The following CNDP2 variants were observed in gnomAD, a reference collection of about 807,000 sequenced individuals.
The protein encoded by CNDP2 is cytosolic non-specific dipeptidase.
CNDP2 carries 38 observed loss-of-function variants against 55.0 expected under a neutral mutation model. The observed-to-expected ratio is 0.69, with a 90% CI of 0.53 to 0.90. The LOEUF is 0.90. CNDP2 is among the 40% of genes least tolerant of loss of function. The pLI is 0.00. For missense variants in CNDP2, 607 were observed against 621.7 expected, an observed-to-expected ratio of 0.98 and a Z score of 0.25; for synonymous variants, 241 against 260.2, an observed-to-expected ratio of 0.93 and a Z score of 0.71.
rs758046704 is a variant in CNDP2 at position 74,513,598 on chromosome 18, G to A, written c.782G>A (p.Gly261Asp). Reference protein sequence around the residue: ...VDKRGNILIPGINEAVAAVTE... With the variant: ...VDKRGNILIPDINEAVAAVTE... ...AAGAGGGGGAACATCCTGATCCCCG[G>A]CATTAACGAGGCCGTGGCCGCCGTC... is the stretch of plus-strand genomic sequence containing the variant. The change falls in exon 8 of 12, where the codon GGC (glycine) becomes GAC (aspartate). Residue 261 changes from glycine to aspartate, a missense_variant. Transcript: ENST00000324262. 19 of 1,613,650 alleles carry A rather than the reference G, an allele frequency of 1.2e-5. No individual in the cohort carries two copies. Among genetic ancestry groups the A allele is most frequent in the Non-Finnish European group, 1.6e-5 (19 of 1,180,008 alleles).
intron 5 of CNDP2, chr18:74,509,141 G>T (rs890440209): frequency 2.8e-5 from 15 of 533,414 alleles, no homozygotes; most frequent in Middle Eastern, 5.1e-4. Flanking sequence ...TTTTACAGCT[G>T]CTTAAAGGTC....
Position 74,519,995 on chromosome 18 carries a change from C to T in CNDP2, c.1359-4C>T. The stretch of plus-strand genomic sequence containing the variant: ...CAACACAATGATGTGTTCCTCTCTA[C>T]CAGGTATAACTACATAGAGGGAACC... On this transcript the variant is annotated splice_region_variant and splice_polypyrimidine_tract_variant and intron_variant, in intron 11 of 11. Coordinates refer to ENST00000324262, the MANE Select transcript of CNDP2 (RefSeq NM_018235.3). 1 of 1,613,588 alleles carries T rather than the reference C, an allele frequency of 6.2e-7. No homozygotes were observed. Among genetic ancestry groups the T allele is most frequent in the Non-Finnish European group, 8.5e-7 (1 of 1,179,702 alleles).
intron 3 of CNDP2, among the ~76,000 whole-genome samples, chr18:74,502,032 A>T (rs7241558): frequency 0.33 from 49,399 of 151,902 alleles, 9,014 homozygotes; most frequent in African/African-American, 0.49. Flanking sequence ...TAGCTGGGCG[A>T]GCGCCACTAC....
chr18:74,504,374 C>T (rs563046281), intron 3 of CNDP2, among the ~76,000 whole-genome samples: 51 of 152,354 alleles, frequency 3.3e-4, no homozygotes, highest in Non-Finnish European at 6.3e-4. Flanking sequence ...AAATGAGGGG[C>T]GTCAGGCCAC....
chr18:74,506,117 T>C (rs1279970056), intron 4 of CNDP2, 106 bp downstream of exon 4: 1 of 1,002,108 alleles, frequency 1.0e-6, no homozygotes, highest in Non-Finnish European at 1.3e-6. Context: ...TTATTTTATT[T>C]TATTTATTTT....
intron 2 of CNDP2, among the ~76,000 whole-genome samples, chr18:74,500,263 A>G (rs957109035): frequency 3.3e-5 from 5 of 152,256 alleles, no homozygotes; most frequent in Admixed American, 3.3e-4. Flanking sequence ...TTTTTGTTTC[A>G]TCTCCATCAA....
intron 4 of CNDP2, chr18:74,508,104 G>T (rs547354752): frequency 6.6e-6 from 1 of 152,226 alleles, no homozygotes; most frequent in Admixed American, 6.5e-5. Context: ...GACTGGCCAC[G>T]CAGACCCAGG....
chr18:74,519,138 A>C (rs774867010), intron 11 of CNDP2, 42 bp downstream of exon 11: 1 of 1,562,946 alleles, frequency 6.4e-7, no homozygotes, highest in African/African-American at 1.4e-5. Context: ...TCTCCTGCAC[A>C]GCGTCCCTCT....
At chr18:74,513,843 A>T in intron 8 of CNDP2, 124 bp downstream of exon 8, 4 of 958,582 alleles carry the variant, frequency 4.2e-6, no homozygotes, top group Non-Finnish European at 6.1e-6. Context: ...TGTCCGATGC[A>T]CATGAGTCAC....
intron 3 of CNDP2, among the ~76,000 whole-genome samples, chr18:74,501,974 A>C (rs1008178465): frequency 5.9e-5 from 9 of 151,604 alleles, no homozygotes; most frequent in Non-Finnish European, 1.2e-4. Context: ...GCCCACTGCA[A>C]CCTCCGCCTC....
chr18:74,516,278 C>T lies in CNDP2; in HGVS notation c.954C>T (p.Gly318=), dbSNP rs146532801. The T allele has an allele frequency of 1.2e-6, 2 of 1,614,012 alleles. No individual in the cohort carries two copies. The highest frequency in any genetic ancestry group is 1.3e-5 in the African/African-American group (1 of 74,930). The change falls in exon 9 of 12, where the codon GGC becomes GGT. Residue 318 remains glycine (G), a synonymous_variant. Coordinates refer to ENST00000324262, the MANE Select transcript of CNDP2 (RefSeq NM_018235.3). The part of the protein sequence containing the change: ...RWRYPSLSLH[G]IEGAFSGSGA... The stretch of plus-strand genomic sequence containing the variant: ...GGTACCCGTCTCTGTCCCTCCATGG[C>T]ATCGAAGGCGCCTTCTCTGGGTCTG...
chr18:74,505,928 G>A lies in CNDP2; in HGVS notation c.284G>A (p.Cys95Tyr), dbSNP rs775742588. The stretch of plus-strand genomic sequence containing the variant: ...TCCGACCCACAGAAGAAGACCGTGT[G>A]CATTTACGGGCACCTGGATGTGCAG... The part of the protein sequence containing the change: ...LGSDPQKKTV[C>Y]IYGHLDVQPA... Residue 95 changes from cysteine to tyrosine, a missense_variant, in exon 4 of 12, where the codon TGC (cysteine) becomes TAC (tyrosine). By Grantham distance (194) the Cys-to-Tyr change is radical. Coordinates refer to ENST00000324262, the MANE Select transcript of CNDP2 (RefSeq NM_018235.3). 9.9e-6 allele frequency: 16 copies of A among 1,612,330 alleles called. No individual in the cohort carries two copies. The highest frequency in any genetic ancestry group is 1.0e-5 in the Non-Finnish European group (12 of 1,179,468).
At chr18:74,510,763 A>G (rs765878565) in intron 5 of CNDP2, 50 bp from the exon 6 acceptor site, 1 of 1,499,990 alleles carries the variant, frequency 6.7e-7, no homozygotes, top group East Asian at 2.3e-5. Flanking sequence ...GGCTTCTAGA[A>G]GGAAGGTTCG....
At chr18:74,506,677 A>G (rs947171376) in intron 4 of CNDP2, among the ~76,000 whole-genome samples, 3 of 151,916 alleles carry the variant, frequency 2.0e-5, no homozygotes, top group Admixed American at 2.0e-4. Flanking sequence ...TCTGCGGTAT[A>G]TGTTAGTGGC....
intron 8 of CNDP2, 127 bp downstream of exon 8, chr18:74,513,846 T>G (rs925435545): frequency 6.3e-6 from 6 of 948,910 alleles, no homozygotes; most frequent in Non-Finnish European, 7.7e-6. Flanking sequence ...CCGATGCACA[T>G]GAGTCACTCA....
At chr18:74,516,133 G>A (rs936270081) in intron 8 of CNDP2, 95 bp from the exon 9 acceptor site, 27 of 1,370,956 alleles carry the variant, frequency 2.0e-5, no homozygotes, top group African/African-American at 4.3e-5. Context: ...GTTTCATACC[G>A]CTCATTTCCC....
rs531462501 is a variant in CNDP2, at chr18:74,518,226, T to C, written c.1069-273T>C. ...GCAGTGAGCCGAGATCACGCCACTG[T>C]GCTCCAGCCTGGACAACAGAGCGAG... is the stretch of plus-strand genomic sequence containing the variant. On this transcript the variant is annotated intron_variant, in intron 9 of 11. Transcript: ENST00000324262. The C allele has an allele frequency of 9.2e-4, 227 of 245,996 alleles. 1 individual carries two copies. The East Asian group carries it at 0.01, about 11-fold the overall frequency. The allele number at this position is 245,996 out of a possible 1,614,324, so 15.2% of individuals were successfully genotyped here.
Position 74,506,123 on chromosome 18 carries a change from A to G in CNDP2, c.367+112A>G, listed in dbSNP as rs1201416254. The G allele has an allele frequency of 5.1e-6, 5 of 988,660 alleles. No homozygotes were observed. In the African/African-American group the frequency reaches 6.7e-5, roughly 13 times the overall value. The allele number at this position is 988,660 out of a possible 1,614,324, so 61.2% of individuals were successfully genotyped here. A position where few individuals can be genotyped will look rare whatever the true frequency, so the allele number is the denominator to read the frequency against. ...AGACTGTTTTTATTTTATTTTATTT[A>G]TTTTATTACTTTTTAAAAATCTTTT... On this transcript the variant is annotated intron_variant, in intron 4 of 11. Coordinates refer to ENST00000324262, the MANE Select transcript of CNDP2 (RefSeq NM_018235.3).
intron 1 of CNDP2, among the ~76,000 whole-genome samples, chr18:74,497,062 G>C (rs970548658): frequency 6.6e-6 from 1 of 152,150 alleles, no homozygotes; most frequent in Non-Finnish European, 1.5e-5. Flanking sequence ...ATTGGCTTCA[G>C]TTTCCTCATC....
Sources: gnomAD v4.1 joint callset for allele counts (sites outside exome capture counted in the v4.1 genomes callset) on GRCh38, gnomAD v4.1.1 for gene constraint, MANE v1.5 for transcripts, NCBI Gene and HGNC (gene_info 2026-07-23, HGNC 2026-07-21) for gene names.